The following FGF14 variants were observed in gnomAD, a reference collection of about 807,000 sequenced individuals.
FGF14 encodes fibroblast growth factor homologous factor 4.
A neutral mutation model predicts 25.5 loss-of-function variants in FGF14; 5 were observed. The ratio of observed to expected loss-of-function variants is 0.20; its 90% CI spans 0.10 to 0.41. The LOEUF (loss-of-function observed/expected upper bound fraction) is 0.41, where lower values mean the gene tolerates loss of function less well. Ranked by LOEUF, FGF14 falls within the 10% of genes least tolerant of loss-of-function variation. The pLI is 1.00. For synonymous variants in FGF14, 138 were observed against 118.3 expected (o/e 1.17, Z -1.08); for missense variants, 222 against 320.1 (o/e 0.69, Z 2.34).
At chr13:102,180,805 C>A (rs560857682) in intron 1 of FGF14, among the ~76,000 whole-genome samples, 2 of 152,230 alleles carry the variant, frequency 1.3e-5, no homozygotes, top group South Asian at 2.1e-4. Flanking sequence ...ACTAGCATTT[C>A]TTTGAAATAA....
Position 101,766,026 on chromosome 13 carries a change from G to T in FGF14, c.409-39216C>A, listed in dbSNP as rs540462330. On this transcript the variant is annotated intron_variant, in intron 3 of 4. Transcript: ENST00000376143. ...TTACAGGCATGAGCCACTGTGCCTGGCCAGCCTTTTACTTCTTAAACAAAT... is the reference window on the plus strand; with the variant it reads ...TTACAGGCATGAGCCACTGTGCCTGTCCAGCCTTTTACTTCTTAAACAAAT... 5.5e-4 allele frequency among the ~76,000 whole-genome samples: 84 copies of T among 152,258 alleles called. 1 individual carries two copies. The highest frequency in any genetic ancestry group is 3.4e-3 in the Middle Eastern group (1 of 294).
intron 1 of FGF14, among the ~76,000 whole-genome samples, chr13:101,967,960 G>T (rs1293835483): frequency 2.0e-5 from 3 of 152,210 alleles, no homozygotes; most frequent in African/African-American, 7.2e-5. Flanking sequence ...CAAATTGCAA[G>T]TTCACCCATA....
intron 1 of FGF14, among the ~76,000 whole-genome samples, chr13:101,976,295 A>G (rs1399005890): frequency 1.3e-5 from 2 of 152,192 alleles, no homozygotes; most frequent in South Asian, 2.1e-4. Flanking sequence ...GAAGGAATAT[A>G]TAACAGTTAC....
At chr13:101,900,240 G>A (rs1594654948) in intron 1 of FGF14, among the ~76,000 whole-genome samples, 1 of 151,910 alleles carries the variant, frequency 6.6e-6, no homozygotes, top group African/African-American at 2.4e-5. Flanking sequence ...TTCTTCAATG[G>A]CTTAAAATCA....
chr13:101,738,956 G>A (rs924779645), intron 3 of FGF14, among the ~76,000 whole-genome samples: 3 of 146,186 alleles, frequency 2.1e-5, no homozygotes, highest in Non-Finnish European at 4.5e-5. Flanking sequence ...GTGTGTGTGT[G>A]TATATATATA....
At chr13:102,243,917 G>A (rs1009306203) in intron 1 of FGF14, among the ~76,000 whole-genome samples, 5 of 151,984 alleles carry the variant, frequency 3.3e-5, no homozygotes, top group East Asian at 1.9e-4. Flanking sequence ...TTCAAGTCCC[G>A]CTCAGGTTTC....
intron 1 of FGF14, among the ~76,000 whole-genome samples, chr13:102,383,383 T>C (rs907021114): frequency 1.3e-5 from 2 of 152,212 alleles, no homozygotes; most frequent in East Asian, 3.8e-4. Flanking sequence ...CCTAAAAGCA[T>C]TGTCAATCAG....
intron 1 of FGF14, among the ~76,000 whole-genome samples, chr13:102,023,178 A>C (rs1031706866): frequency 2.0e-5 from 3 of 151,996 alleles, no homozygotes; most frequent in Admixed American, 2.0e-4. Context: ...TTTAACCCTA[A>C]TATCAGCTGT....
intron 1 of FGF14, among the ~76,000 whole-genome samples, chr13:101,957,691 C>A (rs17687684): frequency 2.6e-5 from 4 of 152,144 alleles, no homozygotes; most frequent in Admixed American, 6.5e-5. Flanking sequence ...TCCATCCACC[C>A]TAATTTCTCA....
chr13:102,079,382 T>C (rs1190555807), intron 1 of FGF14, among the ~76,000 whole-genome samples: 1 of 152,208 alleles, frequency 6.6e-6, no homozygotes, highest in African/African-American at 2.4e-5. Flanking sequence ...GGAAATCATA[T>C]TAAAGTTAAA....
At chr13:101,902,639 G>C (rs961433502) in intron 1 of FGF14, among the ~76,000 whole-genome samples, 1 of 152,128 alleles carries the variant, frequency 6.6e-6, no homozygotes, top group Non-Finnish European at 1.5e-5. Flanking sequence ...GCGCCAGTAA[G>C]TGCAGAATAA....
chr13:102,177,091 A>G (rs1221305081), intron 1 of FGF14, among the ~76,000 whole-genome samples: 1 of 152,198 alleles, frequency 6.6e-6, no homozygotes, highest in Non-Finnish European at 1.5e-5. Flanking sequence ...AGCATGCTCA[A>G]GTGCTTGGAT....
intron 3 of FGF14, among the ~76,000 whole-genome samples, chr13:101,812,631 ATATATATATATATATATATATATTTTTT>A (rs2041597694): frequency 1.1e-4 from 1 of 8,994 alleles, no homozygotes. Flanking sequence ...ATATATATAT[ATATATATATATATATATATATATTTTTT>A]TTTTTTTTTT....
At chr13:102,398,851 T>G (rs1251616849) in intron 1 of FGF14, among the ~76,000 whole-genome samples, 1 of 148,816 alleles carries the variant, frequency 6.7e-6, no homozygotes, top group Non-Finnish European at 1.5e-5. Flanking sequence ...ATGTGACACA[T>G]TAATGTCCCA....
intron 1 of FGF14, among the ~76,000 whole-genome samples, chr13:102,029,297 T>TA (rs1245888798): frequency 3.9e-5 from 6 of 152,064 alleles, no homozygotes; most frequent in Non-Finnish European, 8.8e-5. Flanking sequence ...TTCCCTTTTA[T>TA]AATAATATAA....
intron 1 of FGF14, among the ~76,000 whole-genome samples, chr13:102,301,554 G>A (rs2055053626): frequency 6.6e-6 from 1 of 152,060 alleles, no homozygotes; most frequent in Admixed American, 6.6e-5. Flanking sequence ...AAAACAGAAA[G>A]CTTTGACTTC....
At chr13:102,313,402 A>G (rs886655931) in intron 1 of FGF14, among the ~76,000 whole-genome samples, 2 of 152,222 alleles carry the variant, frequency 1.3e-5, no homozygotes, top group Non-Finnish European at 1.5e-5. Context: ...AAAGATAAGC[A>G]GGAGTTGTTT....
Position 101,819,279 on chromosome 13 carries a change from A to G in FGF14, c.408+49446T>C, listed in dbSNP as rs962298117. On this transcript the variant is annotated intron_variant, in intron 3 of 4. Coordinates refer to ENST00000376143, the MANE Select transcript of FGF14 (RefSeq NM_004115.4). ...AGCAAGAAAAGAAGGGAAAGGAGAG[A>G]AAAACAGCCAAGATTATTTTCTTCA... 4.6e-5 allele frequency among the ~76,000 whole-genome samples: 7 copies of G among 152,330 alleles called. No individual in the cohort carries two copies. The East Asian group carries it at 1.3e-3, about 29-fold the overall frequency.
intron 1 of FGF14, among the ~76,000 whole-genome samples, chr13:102,130,128 A>C (rs549000547): frequency 1.3e-5 from 2 of 152,312 alleles, no homozygotes; most frequent in African/African-American, 4.8e-5. Context: ...ATTGTCATTA[A>C]CATTAACACT....
Sources: allele counts gnomAD v4.1 joint callset (sites outside exome capture counted in the v4.1 genomes callset), GRCh38; gene constraint gnomAD v4.1.1; transcripts MANE v1.5; gene names NCBI Gene and HGNC (gene_info 2026-07-23, HGNC 2026-07-21).